The following LINGO1 variants were observed in gnomAD, a reference collection of about 807,000 sequenced individuals.
LINGO1 encodes the protein leucine-rich repeat and immunoglobulin-like domain-containing nogo receptor-interacting protein 1.
Under a neutral mutation model 37.3 loss-of-function variants are expected in LINGO1, and 11 were observed. The observed-to-expected ratio is 0.29, with a 90% CI of 0.19 to 0.49. LINGO1 has a LOEUF of 0.49. Ranked by LOEUF, LINGO1 falls within the 20% of genes least tolerant of loss-of-function variation. The probability of loss-of-function intolerance (pLI) is 0.99; values close to 1 mark genes in which losing one functional copy is unlikely to be tolerated. For missense variants in LINGO1, 585 were observed against 878.2 expected (o/e 0.67, Z 4.22); for synonymous variants, 387 against 403.0 (o/e 0.96, Z 0.48).
chr15:77,627,883 G>A (rs2074140893), intron 1 of LINGO1, among the ~76,000 whole-genome samples: 2 of 152,168 alleles, frequency 1.3e-5, no homozygotes, highest in African/African-American at 2.4e-5. Flanking sequence ...CACAACTGGG[G>A]GAACGGGTGC....
At chr15:77,718,760 G>T (rs2076014904) in intron 2 of LINGO1, among the ~76,000 whole-genome samples, 1 of 150,764 alleles carries the variant, frequency 6.6e-6, no homozygotes, top group South Asian at 2.1e-4. Context: ...CCTGGGCTCT[G>T]TGCCTGCCCC....
chr15:77,695,440 ACGCAAGGCC>A (rs1000984769), intron 1 of LINGO1, among the ~76,000 whole-genome samples: 2 of 152,188 alleles, frequency 1.3e-5, no homozygotes, highest in Non-Finnish European at 2.9e-5. Flanking sequence ...CTCCTGATCA[ACGCAAGGCC>A]CGCAAGGCCA....
At chr15:77,623,264 G>A (rs1270555039) in intron 1 of LINGO1, among the ~76,000 whole-genome samples, 1 of 152,212 alleles carries the variant, frequency 6.6e-6, no homozygotes, top group Non-Finnish European at 1.5e-5. Context: ...TTTCCACAAA[G>A]GGAACAGTGA....
At chr15:77,641,108 G>C (rs2074495682) in intron 3 of LINGO1, among the ~76,000 whole-genome samples, 1 of 152,226 alleles carries the variant, frequency 6.6e-6, no homozygotes, top group Non-Finnish European at 1.5e-5. Flanking sequence ...AGGTGCAAAG[G>C]CTGGGCCCTG....
chr15:77,639,401 G>A (rs750533314), intron 3 of LINGO1, among the ~76,000 whole-genome samples: 2 of 152,008 alleles, frequency 1.3e-5, no homozygotes, highest in Non-Finnish European at 2.9e-5. Context: ...CAGGCAAAGT[G>A]TCTGCTCTCA....
intron 2 of LINGO1, among the ~76,000 whole-genome samples, chr15:77,727,325 G>A (rs1363226118): frequency 6.6e-6 from 1 of 152,196 alleles, no homozygotes; most frequent in Non-Finnish European, 1.5e-5. Flanking sequence ...ATAGCCAAGA[G>A]ATGGAAACAA....
intron 3 of LINGO1, among the ~76,000 whole-genome samples, chr15:77,643,681 C>T (rs2074559449): frequency 6.6e-6 from 1 of 152,178 alleles, no homozygotes; most frequent in Admixed American, 6.5e-5. Flanking sequence ...AGGTGGCCAC[C>T]CCAGCACCAT....
At chr15:77,762,652 G>C (rs1276199068) in intron 1 of LINGO1, among the ~76,000 whole-genome samples, 1 of 152,098 alleles carries the variant, frequency 6.6e-6, no homozygotes, top group Non-Finnish European at 1.5e-5. Flanking sequence ...TTGGCCAAGC[G>C]GGACCACCCT....
intron 1 of LINGO1, among the ~76,000 whole-genome samples, chr15:77,619,795 C>T (rs1022018065): frequency 2.0e-5 from 3 of 152,242 alleles, no homozygotes; most frequent in African/African-American, 7.2e-5. Flanking sequence ...TGTACAGCTG[C>T]CACCCCCAGG....
intron 2 of LINGO1, among the ~76,000 whole-genome samples, chr15:77,706,068 A>C (rs2075848991): frequency 6.6e-6 from 1 of 152,168 alleles, no homozygotes; most frequent in Non-Finnish European, 1.5e-5. Context: ...GGGGATAATA[A>C]CATATAAATC....
chr15:77,716,314 T>C (rs1472953279), intron 2 of LINGO1, among the ~76,000 whole-genome samples: 4 of 133,106 alleles, frequency 3.0e-5, no homozygotes, highest in African/African-American at 1.1e-4. Context: ...AGGGTCTCAC[T>C]CTGTCACCCA....
chr15:77,696,967 G>T (rs2075704066), upstream of LINGO1, among the ~76,000 whole-genome samples: 1 of 152,272 alleles, frequency 6.6e-6, no homozygotes, highest in Non-Finnish European at 1.5e-5. Context: ...GAAATCCCAG[G>T]ACAGGGGTCT....
chr15:77,730,668 G>T (rs2076145717), intron 2 of LINGO1, among the ~76,000 whole-genome samples: 1 of 152,274 alleles, frequency 6.6e-6, no homozygotes, highest in South Asian at 2.1e-4. Context: ...GAGGGCATCA[G>T]TAGACGCTCT....
chr15:77,671,302 G>C (rs1227141034), intron 3 of LINGO1, among the ~76,000 whole-genome samples: 1 of 122,078 alleles, frequency 8.2e-6, no homozygotes, highest in Non-Finnish European at 1.8e-5. Context: ...AGAAGAGGGA[G>C]AAGGTAGAGG....
rs1182936877 is a variant in LINGO1, at chr15:77,614,354, G to A, written c.1553C>T (p.Ser518Leu). 15 of 1,613,882 alleles carry A rather than the reference G, an allele frequency of 9.3e-6. No individual in the cohort carries two copies. The highest frequency in any genetic ancestry group is 7.7e-5 in the South Asian group (7 of 91,084). The part of the protein sequence containing the change: ...MPAHLHVRSY[S>L]PDWPHQPNKT... ...GTTGGGCTGATGGGGCCAGTCGGGC[G>A]AGTAGCTGCGCACATGCAGGTGGGC... Residue 518 changes from serine to leucine, a missense_variant, in exon 2 of 2, where the codon TCG becomes TTG. Around this residue, in one of 4 missense-constraint regions of LINGO1, gnomAD observed 484 missense variants for 735.0 expected, o/e 0.66. Transcript: ENST00000355300.
chr15:77,697,409 G>A (rs2075710856), upstream of LINGO1, among the ~76,000 whole-genome samples: 1 of 152,108 alleles, frequency 6.6e-6, no homozygotes. Context: ...CCTGCGGGTG[G>A]GGACAATTCC....
At chr15:77,788,937 C>T (rs1009400218), upstream of LINGO1, among the ~76,000 whole-genome samples, 1 of 152,286 alleles carries the variant, frequency 6.6e-6, no homozygotes, top group South Asian at 2.1e-4. Context: ...TCCTGGGCCC[C>T]GATTAACATC....
In LINGO1 at chr15:77,785,559, C is replaced by T. The variant is rs563577864; in HGVS notation, c.-257+1310G>A. Among the ~76,000 whole-genome samples, 3 of 152,288 alleles carry T rather than the reference C, an allele frequency of 2.0e-5. No individual in the cohort carries two copies. The East Asian group carries it at 5.8e-4, about 29-fold the overall frequency. ...CAGGAGACAGTGGTCCCACCCCCAACTCCTGGTCCTCTACCCCGACCAGGG... is the reference window on the plus strand; with the variant it reads ...CAGGAGACAGTGGTCCCACCCCCAATTCCTGGTCCTCTACCCCGACCAGGG... On this transcript the variant is annotated intron_variant, in intron 1 of 3. Coordinates refer to the LINGO1 transcript ENST00000561686.
At position 77,615,876 on chromosome 15, in the gene LINGO1, C is replaced by A. The variant is rs1167207178; in HGVS notation, c.31G>T (p.Gly11Cys). MQVSKRMLAG[G>C]VRSMPSPLLA... is the part of the protein sequence containing the mutation. ...AGGGGGCTGGGCATGCTCCTCACGC[C>A]CCCCGCCAGCATCCTCTTGCTCACC... Residue 11 changes from glycine (G) to cysteine (C), a missense_variant, in exon 2 of 2, where the codon GGC becomes TGC. By Grantham distance (159) the Gly-to-Cys change is radical. Around this residue, in one of 4 missense-constraint regions of LINGO1, gnomAD observed 65 missense variants for 57.0 expected, o/e 1.14. Transcript: ENST00000355300. 5.4e-6 allele frequency: 8 copies of A among 1,471,604 alleles called. No individual in the cohort carries two copies. Among genetic ancestry groups the A allele is most frequent in the Non-Finnish European group, 7.2e-6 (8 of 1,117,600 alleles). 91.2% of individuals were successfully genotyped at this position (1,471,604 alleles called of 1,614,324 possible). A position where few individuals can be genotyped will look rare whatever the true frequency, so the allele number is the denominator to read the frequency against.
Sources: gnomAD v4.1 joint callset for allele counts (sites outside exome capture counted in the v4.1 genomes callset) on GRCh38, gnomAD v4.1.1 for gene constraint, gnomAD v4.1.1 regional missense constraint, MANE v1.5 for transcripts, NCBI Gene and HGNC (gene_info 2026-07-23, HGNC 2026-07-21) for gene names.